The following SPOCK1 variants were observed in gnomAD, a reference collection of about 807,000 sequenced individuals.
The protein encoded by SPOCK1 is testican-1.
A neutral mutation model predicts 55.3 loss-of-function variants in SPOCK1; 23 were observed. The ratio of observed to expected loss-of-function variants is 0.42; its 90% CI spans 0.30 to 0.59. SPOCK1 has a LOEUF of 0.59. Ranked by LOEUF, SPOCK1 falls within the 20% of genes least tolerant of loss-of-function variation. SPOCK1 has a pLI of 0.22. For missense variants in SPOCK1, 499 were observed against 552.5 expected (o/e 0.90, Z 0.97); for synonymous variants, 226 against 221.0 (o/e 1.02, Z -0.20).
intron 6 of SPOCK1, among the ~76,000 whole-genome samples, chr5:137,004,736 G>A (rs765705274): frequency 2.6e-5 from 4 of 152,076 alleles, no homozygotes; most frequent in Non-Finnish European, 4.4e-5. Context: ...AAAACTAGGA[G>A]ATATATCCCC....
At chr5:137,454,885 G>C (rs1372249080) in intron 2 of SPOCK1, among the ~76,000 whole-genome samples, 1 of 152,126 alleles carries the variant, frequency 6.6e-6, no homozygotes, top group African/African-American at 2.4e-5. Flanking sequence ...TTGGAAAGCT[G>C]TCATGCATAA....
intron 2 of SPOCK1, among the ~76,000 whole-genome samples, chr5:137,279,081 T>A (rs773964534): frequency 2.0e-5 from 3 of 151,996 alleles, no homozygotes; most frequent in Admixed American, 6.5e-5. Context: ...CAATGCCCGA[T>A]GACACATCCA....
chr5:137,112,399 G>T (rs779505836), intron 5 of SPOCK1, 36 bp downstream of exon 5: 1 of 1,606,250 alleles, frequency 6.2e-7, no homozygotes, highest in Non-Finnish European at 8.5e-7. Context: ...CCGACATGAA[G>T]TATTTTTGAT....
At chr5:137,143,349 GTCC>G (rs946067402) in intron 3 of SPOCK1, among the ~76,000 whole-genome samples, 3 of 152,190 alleles carry the variant, frequency 2.0e-5, no homozygotes, top group African/African-American at 7.2e-5. Flanking sequence ...ATGCCACACT[GTCC>G]TCCGGGTGGT....
chr5:137,246,603 C>G (rs958564438), intron 3 of SPOCK1, among the ~76,000 whole-genome samples: 1 of 152,188 alleles, frequency 6.6e-6, no homozygotes, highest in African/African-American at 2.4e-5. Flanking sequence ...TTGCTATTCG[C>G]TTTGTAATGA....
At chr5:137,408,079 T>C (rs1275372908) in intron 2 of SPOCK1, among the ~76,000 whole-genome samples, 1 of 152,160 alleles carries the variant, frequency 6.6e-6, no homozygotes, top group Admixed American at 6.5e-5. Flanking sequence ...TTTCACTGCA[T>C]CTTGACTTAT....
chr5:137,176,222 C>T (rs1041644033), intron 3 of SPOCK1, among the ~76,000 whole-genome samples: 2 of 152,128 alleles, frequency 1.3e-5, no homozygotes, highest in African/African-American at 4.8e-5. Context: ...TAAGAAAGAC[C>T]GTGTTCCTTA....
At chr5:137,321,558 G>T (rs968954169) in intron 2 of SPOCK1, among the ~76,000 whole-genome samples, 1 of 152,022 alleles carries the variant, frequency 6.6e-6, no homozygotes. Context: ...AACAGAGTAG[G>T]ATGATATATT....
chr5:137,078,572 C>A (rs1016811736), intron 5 of SPOCK1, among the ~76,000 whole-genome samples: 1 of 152,130 alleles, frequency 6.6e-6, no homozygotes, highest in Non-Finnish European at 1.5e-5. Context: ...ACACCCAGGG[C>A]GCCACTGCTT....
intron 3 of SPOCK1, among the ~76,000 whole-genome samples, chr5:137,202,397 C>T (rs1755443688): frequency 6.6e-6 from 1 of 152,196 alleles, no homozygotes; most frequent in Non-Finnish European, 1.5e-5. Context: ...CAGAAGGTTT[C>T]ATGCAACATG....
chr5:137,368,277 TA>T (rs1476567683), intron 2 of SPOCK1, among the ~76,000 whole-genome samples: 5 of 152,276 alleles, frequency 3.3e-5, no homozygotes, highest in African/African-American at 1.2e-4. Flanking sequence ...TGAAGCAGAA[TA>T]ACCCAAGTGG....
intron 6 of SPOCK1, among the ~76,000 whole-genome samples, chr5:137,002,646 A>G (rs1312737633): frequency 1.3e-5 from 2 of 152,188 alleles, no homozygotes; most frequent in Admixed American, 1.3e-4. Flanking sequence ...TTCATGGCCA[A>G]CCAGACTTTT....
intron 2 of SPOCK1, among the ~76,000 whole-genome samples, chr5:137,413,266 T>C (rs1264434892): frequency 6.6e-6 from 1 of 152,172 alleles, no homozygotes; most frequent in African/African-American, 2.4e-5. Flanking sequence ...TGCATTTAAA[T>C]ATAAACTCAT....
rs909030454 is a variant in SPOCK1, at chr5:137,184,516, G to T, written c.233-43822C>A. Among the ~76,000 whole-genome samples, 3 of 152,308 alleles carry T rather than the reference G, an allele frequency of 2.0e-5. No homozygotes were observed. The East Asian group carries it at 5.8e-4, about 29-fold the overall frequency. On this transcript the variant is annotated intron_variant, in intron 3 of 10. Coordinates refer to ENST00000394945, the MANE Select transcript of SPOCK1 (RefSeq NM_004598.4). ...AGGTAAAGACCACCCTCCCTAAGCT[G>T]CTGGGCAAGTAGCAGAGGTTCTGGC...
intron 3 of SPOCK1, among the ~76,000 whole-genome samples, chr5:137,152,152 T>C (rs1285486180): frequency 1.3e-5 from 2 of 152,230 alleles, no homozygotes; most frequent in African/African-American, 4.8e-5. Context: ...TCCCCCACTA[T>C]AGGAACTGGT....
intron 2 of SPOCK1, among the ~76,000 whole-genome samples, chr5:137,306,973 A>G (rs1242824078): frequency 1.3e-5 from 2 of 152,222 alleles, no homozygotes; most frequent in Non-Finnish European, 2.9e-5. Context: ...CTCAGAATGC[A>G]CTAAGCACAC....
intron 2 of SPOCK1, among the ~76,000 whole-genome samples, chr5:137,318,853 G>A (rs1386105566): frequency 6.6e-6 from 1 of 152,096 alleles, no homozygotes; most frequent in African/African-American, 2.4e-5. Flanking sequence ...TGCTGCTGAG[G>A]GCAGAGACAC....
intron 2 of SPOCK1, among the ~76,000 whole-genome samples, chr5:137,360,633 T>G: frequency 6.6e-6 from 1 of 152,214 alleles, no homozygotes. Flanking sequence ...GAAGATAGTC[T>G]TGATAATAAT....
intron 2 of SPOCK1, among the ~76,000 whole-genome samples, chr5:137,371,191 C>T (rs1445306836): frequency 2.0e-5 from 3 of 152,182 alleles, no homozygotes; most frequent in Non-Finnish European, 4.4e-5. Flanking sequence ...ATGAATAGTG[C>T]CACAACTTGA....
Sources: gnomAD v4.1 joint callset for allele counts (sites outside exome capture counted in the v4.1 genomes callset) on GRCh38, gnomAD v4.1.1 for gene constraint, MANE v1.5 for transcripts, NCBI Gene and HGNC (gene_info 2026-07-23, HGNC 2026-07-21) for gene names.